ZP3: variants seen among roughly 807,000 people sequenced by gnomAD.
ZP3 encodes the protein zona pellucida glycoprotein 3.
In ZP3, 21 loss-of-function variants were observed where a neutral mutation model predicts 35.6. That is an observed-to-expected ratio of 0.59 (90% CI 0.42 to 0.85). The LOEUF (loss-of-function observed/expected upper bound fraction) is 0.85. Ranked by LOEUF, ZP3 falls within the 40% of genes least tolerant of loss-of-function variation. ZP3 has a pLI of 0.00. For synonymous variants in ZP3, 207 were observed against 214.5 expected, an observed-to-expected ratio of 0.96 and a Z score of 0.31; for missense variants, 437 against 536.5, an observed-to-expected ratio of 0.81 and a Z score of 1.83.
chr7:76,433,429 A>G (rs1404611065), intron 3 of ZP3, 41 bp from the exon 4 acceptor site: 1 of 1,587,082 alleles, frequency 6.3e-7, no homozygotes, highest in South Asian at 1.1e-5. Flanking sequence ...TGCTGGGATT[A>G]CAGGCATGAG....
intron 5 of ZP3, among the ~76,000 whole-genome samples, chr7:76,437,835 GC>G (rs1204947696): frequency 1.3e-5 from 2 of 152,146 alleles, no homozygotes; most frequent in African/African-American, 4.8e-5. Flanking sequence ...TAGGGGAACT[GC>G]CCTGGGATCT....
chr7:76,404,818 C>T (rs967518609), intron 1 of ZP3, among the ~76,000 whole-genome samples: 8 of 151,864 alleles, frequency 5.3e-5, no homozygotes, highest in Non-Finnish European at 7.4e-5. Context: ...GCCTGTAATC[C>T]CAGCACTTTG....
chr7:76,423,821 C>A (rs1184459750), upstream of ZP3, among the ~76,000 whole-genome samples: 4 of 151,546 alleles, frequency 2.6e-5, no homozygotes, highest in Non-Finnish European at 4.4e-5. Context: ...GAGATTGCAC[C>A]ACTACACTCC....
chr7:76,408,094 G>A (rs754231241), intron 1 of ZP3, among the ~76,000 whole-genome samples: 17 of 152,172 alleles, frequency 1.1e-4, no homozygotes, highest in African/African-American at 3.1e-4. Context: ...AGGAGGCGGC[G>A]GTAGAGAGGA....
intron 3 of ZP3, 144 bp downstream of exon 3, chr7:76,433,174 G>GGTTTTTA: frequency 1.3e-6 from 1 of 766,622 alleles, no homozygotes; most frequent in Non-Finnish European, 2.1e-6. Context: ...GTTGGTTTTT[G>GGTTTTTA]AGACAGTCTT....
intron 1 of ZP3, among the ~76,000 whole-genome samples, chr7:76,414,337 CCTCT>C (rs1805315269): frequency 6.6e-6 from 1 of 152,044 alleles, no homozygotes; most frequent in African/African-American, 2.4e-5. Context: ...AATTTTAGTA[CCTCT>C]CTAAGTCACC....
intron 4 of ZP3, 107 bp downstream of exon 4, chr7:76,433,754 A>G (rs1415938362): frequency 1.1e-5 from 14 of 1,288,572 alleles, no homozygotes; most frequent in East Asian, 2.3e-5. Context: ...GCTGGAATAC[A>G]GAGGCTTGAT....
chr7:76,410,320 C>T (rs527466197), intron 1 of ZP3, among the ~76,000 whole-genome samples: 4 of 151,604 alleles, frequency 2.6e-5, no homozygotes, highest in Admixed American at 6.6e-5. Flanking sequence ...TGTGAGCCAC[C>T]GCACCCAGCC....
intron 1 of ZP3, among the ~76,000 whole-genome samples, chr7:76,399,198 A>T: frequency 6.6e-6 from 1 of 152,032 alleles, no homozygotes; most frequent in East Asian, 1.9e-4. Flanking sequence ...TTTTTAGTAG[A>T]GATGGGGTTT....
intron 1 of ZP3, among the ~76,000 whole-genome samples, chr7:76,401,435 A>C (rs1259871604): frequency 2.0e-5 from 3 of 151,832 alleles, no homozygotes; most frequent in Admixed American, 1.3e-4. Context: ...TCTTTTTTTG[A>C]GACAAAGTCT....
At chr7:76,419,576 G>A (rs774431433) in intron 1 of ZP3, among the ~76,000 whole-genome samples, 3 of 151,890 alleles carry the variant, frequency 2.0e-5, no homozygotes, top group Non-Finnish European at 1.5e-5. Context: ...ATCTGTTAGG[G>A]TGTGTGTCTC....
intron 1 of ZP3, among the ~76,000 whole-genome samples, chr7:76,412,803 C>T (rs973833113): frequency 3.3e-5 from 5 of 150,558 alleles, no homozygotes; most frequent in African/African-American, 1.2e-4. Context: ...GAGCTGAGAT[C>T]GCGCCATTGC....
chr7:76,423,958 G>C (rs1805582168), upstream of ZP3, among the ~76,000 whole-genome samples: 1 of 151,914 alleles, frequency 6.6e-6, no homozygotes, highest in Admixed American at 6.6e-5. Flanking sequence ...CAGGAATGAA[G>C]AACGCAGGGC....
In ZP3 at chr7:76,399,294, T is replaced by C. The variant is rs141332829; in HGVS notation, c.-67+1497T>C. ...TCCCAAAGTGCTGGAATTACAGGCA[T>C]GAGCCACCGTGCCCAGCCTGAAGCA... is the stretch of plus-strand genomic sequence containing the variant. On this transcript the variant is annotated intron_variant, in intron 1 of 8. Coordinates refer to the ZP3 transcript ENST00000336517. Among the ~76,000 whole-genome samples, 225 of 152,272 alleles carry C rather than the reference T, an allele frequency of 1.5e-3. No individual in the cohort carries two copies. In the Middle Eastern group the frequency reaches 0.024, roughly 16 times the overall value.
chr7:76,423,055 G>GAAACAAAGAAAC (rs1554624516), upstream of ZP3, among the ~76,000 whole-genome samples: 1 of 135,908 alleles, frequency 7.4e-6, no homozygotes, highest in African/African-American at 3.4e-5. Context: ...AAGAAAGAAA[G>GAAACAAAGAAAC]AAAGAAAGAA....
intron 1 of ZP3, among the ~76,000 whole-genome samples, chr7:76,402,351 T>C (rs756086985): frequency 6.6e-6 from 1 of 151,938 alleles, no homozygotes; most frequent in Non-Finnish European, 1.5e-5. Flanking sequence ...AGCTAATTTT[T>C]ATATTTTTTA....
chr7:76,429,361 G>T (rs1191406596), intron 1 of ZP3, 154 bp from the exon 2 acceptor site: 4 of 696,370 alleles, frequency 5.7e-6, no homozygotes, highest in Non-Finnish European at 1.0e-5. Flanking sequence ...GCCTCCCAAA[G>T]TGCTGGGGTT....
chr7:76,417,207 A>G (rs1399594853), intron 1 of ZP3, among the ~76,000 whole-genome samples: 4 of 151,744 alleles, frequency 2.6e-5, no homozygotes, highest in Non-Finnish European at 5.9e-5. Flanking sequence ...ACAGGCATGC[A>G]CCACCATGCC....
upstream of ZP3, among the ~76,000 whole-genome samples, chr7:76,421,574 T>C (rs1294501193): frequency 2.0e-5 from 3 of 151,630 alleles, no homozygotes; most frequent in South Asian, 6.2e-4. Context: ...TTTTTAAAAT[T>C]ATATATATAT....
Sources: allele counts gnomAD v4.1 joint callset (sites outside exome capture counted in the v4.1 genomes callset), GRCh38; gene constraint gnomAD v4.1.1; transcripts MANE v1.5; gene names NCBI Gene and HGNC (gene_info 2026-07-23, HGNC 2026-07-21).